FBXL20: variants seen among roughly 807,000 people sequenced by gnomAD.
FBXL20 encodes the protein F-box and leucine rich repeat protein 20, also known as F-box/LRR-repeat protein 20.
Under a neutral mutation model 64.0 loss-of-function variants are expected in FBXL20, and 11 were observed. The ratio of observed to expected loss-of-function variants is 0.17; its 90% CI spans 0.11 to 0.28. The LOEUF (loss-of-function observed/expected upper bound fraction) is 0.28. Ranked by LOEUF, FBXL20 falls within the 10% of genes least tolerant of loss-of-function variation. The pLI, the probability that FBXL20 is intolerant of heterozygous loss-of-function variation, is 1.00. For synonymous variants in FBXL20, 184 were observed against 189.0 expected (o/e 0.97, Z 0.22); for missense variants, 303 against 526.2 (o/e 0.58, Z 4.15).
At chr17:39,367,059 T>C (rs1041203971) in intron 1 of FBXL20, among the ~76,000 whole-genome samples, 2 of 151,448 alleles carry the variant, frequency 1.3e-5, no homozygotes, top group Non-Finnish European at 2.9e-5. Context: ...ATTTTTTGTA[T>C]TTTTTAGTAG....
intron 9 of FBXL20, among the ~76,000 whole-genome samples, chr17:39,276,790 G>A (rs1053591734): frequency 6.6e-6 from 1 of 152,100 alleles, no homozygotes; most frequent in African/African-American, 2.4e-5. Flanking sequence ...TCACATCAAA[G>A]ATGTTATATT....
intron 1 of FBXL20, among the ~76,000 whole-genome samples, chr17:39,383,833 A>G (rs79431792): frequency 6.6e-6 from 1 of 150,554 alleles, no homozygotes; most frequent in Non-Finnish European, 1.5e-5. Context: ...CAGGCAATCC[A>G]CCCACCTCGG....
chr17:39,300,565 C>A (rs1272806795), intron 4 of FBXL20, among the ~76,000 whole-genome samples: 1 of 152,194 alleles, frequency 6.6e-6, no homozygotes, highest in Non-Finnish European at 1.5e-5. Flanking sequence ...TGGCCTCATT[C>A]AACCTTCGTT....
intron 9 of FBXL20, among the ~76,000 whole-genome samples, chr17:39,277,413 T>TAA (rs930327647): frequency 6.6e-6 from 1 of 152,126 alleles, no homozygotes; most frequent in African/African-American, 2.4e-5. Flanking sequence ...TTGTATGTTA[T>TAA]AAGAGAGTAC....
In FBXL20 at chr17:39,301,006, T is replaced by C; in HGVS notation, c.229A>G (p.Ile77Val). Residue 77 changes from isoleucine to valine, a missense_variant, in exon 4 of 15, where the codon ATT becomes GTT. Physicochemically the swap from Ile to Val is conservative, Grantham distance 29 (BLOSUM62 3). This residue lies in a region of FBXL20 where 246 missense variants were observed against 422.6 expected (regional missense o/e 0.58). Coordinates refer to ENST00000264658, the MANE Select transcript of FBXL20 (RefSeq NM_032875.3). ...CACACACCACATAATTATACCTCAATATCCCTCTGGAAATCAAATAGGTCA... is the reference window on the plus strand; with the variant it reads ...CACACACCACATAATTATACCTCAACATCCCTCTGGAAATCAAATAGGTCA... The part of the protein sequence containing the change: ...RIDLFDFQRD[I>V]EGRVVENISK... The C allele has an allele frequency of 6.2e-7, 1 of 1,613,838 alleles. No individual in the cohort carries two copies. The highest frequency in any genetic ancestry group is 8.5e-7 in the Non-Finnish European group (1 of 1,179,890).
intron 12 of FBXL20, among the ~76,000 whole-genome samples, chr17:39,266,990 C>T (rs1214355704): frequency 6.6e-6 from 1 of 151,762 alleles, no homozygotes; most frequent in Admixed American, 6.6e-5. Context: ...TGGTAGTTCA[C>T]GCTTGTAATC....
chr17:39,373,957 C>T (rs906168487), intron 1 of FBXL20, among the ~76,000 whole-genome samples: 12 of 152,088 alleles, frequency 7.9e-5, no homozygotes, highest in Admixed American at 3.3e-4. Flanking sequence ...CACGGTGGTC[C>T]ACGCCTGTAT....
At chr17:39,281,201 T>A (rs1017186159) in intron 9 of FBXL20, among the ~76,000 whole-genome samples, 188 bp downstream of exon 9, 3 of 152,290 alleles carry the variant, frequency 2.0e-5, no homozygotes, top group East Asian at 1.9e-4. Flanking sequence ...TCCTATCTTA[T>A]CTATGCCAAG....
At chr17:39,336,870 C>T (rs955153291) in intron 2 of FBXL20, among the ~76,000 whole-genome samples, 3 of 151,606 alleles carry the variant, frequency 2.0e-5, no homozygotes, top group Non-Finnish European at 2.9e-5. Flanking sequence ...ATTGAGCAGA[C>T]AGAAACCACC....
chr17:39,394,419 C>A (rs918323667), intron 1 of FBXL20, among the ~76,000 whole-genome samples: 11 of 151,576 alleles, frequency 7.3e-5, no homozygotes, highest in Non-Finnish European at 1.3e-4. Flanking sequence ...ACTACAGGCA[C>A]CTGCCACCAC....
chr17:39,269,633 G>C (rs1204196409), intron 11 of FBXL20, among the ~76,000 whole-genome samples: 1 of 151,974 alleles, frequency 6.6e-6, no homozygotes, highest in East Asian at 1.9e-4. Context: ...CAAGTAGCTG[G>C]GATTACAGGC....
chr17:39,388,774 G>A (rs1380466098), intron 1 of FBXL20, among the ~76,000 whole-genome samples: 15 of 147,572 alleles, frequency 1.0e-4, no homozygotes, highest in Admixed American at 2.7e-4. Context: ...GAGCCACCGC[G>A]CCCGGCAAAA....
At chr17:39,367,778 G>C (rs1408311474) in intron 1 of FBXL20, among the ~76,000 whole-genome samples, 5 of 150,780 alleles carry the variant, frequency 3.3e-5, no homozygotes, top group African/African-American at 4.9e-5. Flanking sequence ...TATATATTTT[G>C]AGAGTCTGGC....
intron 1 of FBXL20, among the ~76,000 whole-genome samples, chr17:39,388,185 G>A (rs1179721064): frequency 6.6e-6 from 1 of 152,028 alleles, no homozygotes; most frequent in Non-Finnish European, 1.5e-5. Flanking sequence ...GACCAGGCAT[G>A]GTGGCTCACA....
chr17:39,342,856 T>C (rs979831527), intron 2 of FBXL20, among the ~76,000 whole-genome samples: 5 of 152,170 alleles, frequency 3.3e-5, no homozygotes, highest in African/African-American at 1.2e-4. Context: ...CACTCCAGCC[T>C]GGATGACAGA....
At position 39,259,599 on chromosome 17, in the gene FBXL20, C is replaced by G. The variant is rs2046726716; in HGVS notation, c.*1861G>C. The G allele has an allele frequency of 6.6e-6, 1 of 152,108 alleles. No individual in the cohort carries two copies. Among genetic ancestry groups the G allele is most frequent in the Admixed American group, 6.6e-5 (1 of 15,252 alleles). 9.4% of individuals were successfully genotyped at this position (152,108 alleles called of 1,614,324 possible). A position where few individuals can be genotyped will look rare whatever the true frequency, so the allele number is the denominator to read the frequency against. On this transcript the variant is annotated 3_prime_UTR_variant, in exon 15 of 15. Transcript: ENST00000264658. ...TCCTCCCTCAGTTCTAGTGCCCAGGCTAAGCAGAGACACTAAACCCCTTAC... is the reference window on the plus strand; with the variant it reads ...TCCTCCCTCAGTTCTAGTGCCCAGGGTAAGCAGAGACACTAAACCCCTTAC...
intron 1 of FBXL20, among the ~76,000 whole-genome samples, chr17:39,352,378 A>C (rs1435427552): frequency 6.6e-6 from 1 of 151,930 alleles, no homozygotes; most frequent in Non-Finnish European, 1.5e-5. Flanking sequence ...AAATAAATAC[A>C]TTAAAAAAAA....
intron 1 of FBXL20, among the ~76,000 whole-genome samples, chr17:39,386,025 A>C (rs1429090454): frequency 2.2e-5 from 2 of 89,540 alleles, no homozygotes; most frequent in Admixed American, 9.9e-5. Flanking sequence ...ATTCCGTCTC[A>C]AAAAAAAAAA....
chr17:39,366,236 C>T (rs976029675), intron 1 of FBXL20, among the ~76,000 whole-genome samples: 2 of 152,124 alleles, frequency 1.3e-5, no homozygotes, highest in African/African-American at 4.8e-5. Flanking sequence ...GACAAGCAGA[C>T]AATAGGACTA....
Sources: gnomAD v4.1 joint callset for allele counts (sites outside exome capture counted in the v4.1 genomes callset) on GRCh38, gnomAD v4.1.1 for gene constraint, gnomAD v4.1.1 regional missense constraint, MANE v1.5 for transcripts, NCBI Gene and HGNC (gene_info 2026-07-23, HGNC 2026-07-21) for gene names.